Variants in DDX3X observed in about 807,000 individuals in gnomAD.
DDX3X encodes the protein DEAD-box helicase 3 X-linked, also known as ATP-dependent RNA helicase DDX3X.
Under a neutral mutation model 52.7 loss-of-function variants are expected in DDX3X, and 4 were observed. The observed-to-expected ratio is 0.08, with a 90% CI of 0.04 to 0.17. The LOEUF (loss-of-function observed/expected upper bound fraction) is 0.17. DDX3X is among the 10% of genes least tolerant of loss of function. The pLI, the probability that DDX3X is intolerant of heterozygous loss-of-function variation, is 1.00. For missense variants in DDX3X, 222 were observed against 548.6 expected, an observed-to-expected ratio of 0.40 and a Z score of 5.95; for synonymous variants, 192 against 178.1, an observed-to-expected ratio of 1.08 and a Z score of -0.62.
downstream of DDX3X, among the ~76,000 whole-genome samples, chrX:41,353,860 T>G (rs2063998776): frequency 9.1e-6 from 1 of 109,730 alleles, no homozygotes; most frequent in African/African-American, 3.3e-5. Flanking sequence ...ACTAGTGACA[T>G]AGAGAAAATA....
At chrX:41,339,883 T>C (rs2063823387) in intron 3 of DDX3X, 1 of 110,709 alleles carries the variant, frequency 9.0e-6, no homozygotes, top group Non-Finnish European at 1.9e-5. Flanking sequence ...AAATCTGTAT[T>C]ATTTCTACCA....
At chrX:41,347,089 G>A in intron 15 of DDX3X, 77 bp downstream of exon 15, 5 of 1,050,817 alleles carry the variant, frequency 4.8e-6, no homozygotes, top group Non-Finnish European at 5.2e-6. Context: ...CATGCATAAC[G>A]TCCAAGGTTA....
At chrX:41,351,851 T>A (rs2063989296), downstream of DDX3X, among the ~76,000 whole-genome samples, 1 of 111,165 alleles carries the variant, frequency 9.0e-6, no homozygotes, top group African/African-American at 3.3e-5. Flanking sequence ...GAAAGGACTT[T>A]TTTTTGACAA....
downstream of DDX3X, chrX:41,350,915 G>A (rs773698286): frequency 2.7e-5 from 3 of 112,131 alleles, no homozygotes; most frequent in Admixed American, 1.9e-4. Context: ...GTTTCAGTAA[G>A]TTGAAGGTTT....
chrX:41,349,367 T>TG lies in DDX3X; in HGVS notation c.*1650dup, dbSNP rs940294830. ...AAACTTCCAATCTTACTTTGTCTCT[T>TG]GGAGATTGTTGAACGCAGCTTGTCT... On this transcript the variant is annotated 3_prime_UTR_variant, in exon 17 of 17. Transcript: ENST00000644876. 1.8e-5 allele frequency: 2 copies of TG among 111,749 alleles called. No individual in the cohort carries two copies. Among genetic ancestry groups the TG allele is most frequent in the African/African-American group, 3.3e-5 (1 of 30,644 alleles). 9.2% of individuals were successfully genotyped at this position (111,749 alleles called of 1,213,427 possible).
At chrX:41,336,325 T>C (rs2063769253) in intron 1 of DDX3X, 1 of 112,050 alleles carries the variant, frequency 8.9e-6, no homozygotes, top group Non-Finnish European at 1.9e-5. Flanking sequence ...ACATAACCCT[T>C]TTCTAGAATG....
At chrX:41,337,637 G>A (rs1290444979) in intron 2 of DDX3X, 172 bp downstream of exon 2, 2 of 333,676 alleles carry the variant, frequency 6.0e-6, no homozygotes, top group Non-Finnish European at 9.6e-6. Flanking sequence ...CTAAAGCATC[G>A]TTGCCTTTTT....
intron 5 of DDX3X, among the ~76,000 whole-genome samples, chrX:41,357,293 TTATTA>T (rs1264484951): frequency 9.1e-6 from 1 of 110,465 alleles, no homozygotes; most frequent in Non-Finnish European, 1.9e-5. Flanking sequence ...TCCTCTCACT[TTATTA>T]TAGTTTTGCA....
At chrX:41,344,556 G>C (rs967050584) in intron 10 of DDX3X, 157 bp downstream of exon 10, 8 of 623,444 alleles carry the variant, frequency 1.3e-5, no homozygotes, top group East Asian at 7.2e-5. Context: ...TCCTGCCTCA[G>C]CCTCCCAGGT....
intron 3 of DDX3X, chrX:41,340,405 C>T (rs2063833537): frequency 8.4e-6 from 1 of 119,698 alleles, no homozygotes; most frequent in Admixed American, 9.3e-5. Context: ...ACCTGACTGG[C>T]CTAACGGTAG....
intron 5 of DDX3X, among the ~76,000 whole-genome samples, chrX:41,362,861 G>A (rs1288363921): frequency 1.8e-5 from 2 of 111,541 alleles, no homozygotes; most frequent in African/African-American, 6.5e-5. Flanking sequence ...GTCACTACAT[G>A]TAGCGCACTC....
chrX:41,334,522 G>A (rs2063728224), intron 1 of DDX3X: 1 of 1,093,896 alleles, frequency 9.1e-7, no homozygotes, highest in Non-Finnish European at 1.2e-6. Context: ...CGAGCACAAT[G>A]GCGGCTTTTG....
chrX:41,355,317 C>T (rs1602143306), intron 5 of DDX3X, among the ~76,000 whole-genome samples: 1 of 111,493 alleles, frequency 9.0e-6, no homozygotes, highest in East Asian at 2.8e-4. Flanking sequence ...CCCAGGAGTA[C>T]AATTGCTGGC....
In DDX3X at chrX:41,342,256, C is replaced by G; in HGVS notation, c.285-239C>G. The G allele has an allele frequency of 9.1e-6, 3 of 329,232 alleles. No individual in the cohort carries two copies. The Admixed American group carries it at 1.6e-4, about 18-fold the overall frequency. The allele number at this position is 329,232 out of a possible 1,213,427, so 27.1% of individuals were successfully genotyped here. A position where few individuals can be genotyped will look rare whatever the true frequency, so the allele number is the denominator to read the frequency against. On this transcript the variant is annotated intron_variant, in intron 4 of 16. Coordinates refer to ENST00000644876, the MANE Select transcript of DDX3X (RefSeq NM_001356.5). ...AAATCCTTATTCTTAATTTTGGCAT[C>G]TGTGAGGCCTTTTAGGCTATACAAC...
rs949178489 is a variant in DDX3X at position 41,350,057 on chromosome X, AATC to A, written c.*2341_*2343del. On this transcript the variant is annotated 3_prime_UTR_variant, in exon 17 of 17. Transcript: ENST00000644876. ...TATTTTCAGTTAATAAGGTTTCAAA[AATC>A]ATGTAAGGATTTAAACTTGCTGAAT... 8.9e-5 allele frequency: 10 copies of A among 112,247 alleles called. No individual in the cohort carries two copies. The highest frequency in any genetic ancestry group is 1.7e-4 in the Non-Finnish European group (9 of 53,199). The allele number at this position is 112,247 out of a possible 1,213,427, so 9.3% of individuals were successfully genotyped here. A position where few individuals can be genotyped will look rare whatever the true frequency, so the allele number is the denominator to read the frequency against.
At chrX:41,342,129 C>T in intron 4 of DDX3X, 1 of 169,833 alleles carries the variant, frequency 5.9e-6, no homozygotes, top group Non-Finnish European at 1.1e-5. Flanking sequence ...ATAACTAGGA[C>T]GATTGATATT....
intron 7 of DDX3X, 156 bp from the exon 8 acceptor site, chrX:41,343,581 T>A (rs1202283993): frequency 1.8e-6 from 1 of 544,251 alleles, no homozygotes; most frequent in East Asian, 3.7e-5. Context: ...GTTTGCTGAC[T>A]CCTCTTAGAG....
rs949152601 is a variant in DDX3X, at chrX:41,349,532, A to G, written c.*1813A>G. 2.7e-5 allele frequency: 3 copies of G among 112,288 alleles called. No individual in the cohort carries two copies. The highest frequency in any genetic ancestry group is 2.8e-4 in the East Asian group (1 of 3,603). 9.3% of individuals were successfully genotyped at this position (112,288 alleles called of 1,213,427 possible). A position where few individuals can be genotyped will look rare whatever the true frequency, so the allele number is the denominator to read the frequency against. ...GTAATATTTATTGAACATTTTGACAAATATTTATTTTTGTAAGCCTAAAAG... is the reference window on the plus strand; with the variant it reads ...GTAATATTTATTGAACATTTTGACAGATATTTATTTTTGTAAGCCTAAAAG... On this transcript the variant is annotated 3_prime_UTR_variant, in exon 17 of 17. Transcript: ENST00000644876.
intron 5 of DDX3X, among the ~76,000 whole-genome samples, chrX:41,363,482 G>A (rs143205585): frequency 0.017 from 1,864 of 107,536 alleles, 42 homozygotes; most frequent in African/African-American, 0.059. Flanking sequence ...ATAGTTGACT[G>A]TCACAAAAAA....
Sources: allele counts gnomAD v4.1 joint callset (sites outside exome capture counted in the v4.1 genomes callset), GRCh38; gene constraint gnomAD v4.1.1; transcripts MANE v1.5; gene names NCBI Gene and HGNC (gene_info 2026-07-23, HGNC 2026-07-21).